CNTN6: variants seen among roughly 807,000 people sequenced by gnomAD.
CNTN6 encodes the protein contactin-6.
Under a neutral mutation model 122.8 loss-of-function variants are expected in CNTN6, and 137 were observed. That is an observed-to-expected ratio of 1.12 (90% confidence interval 0.97 to 1.29). CNTN6 has a LOEUF of 1.29. Among genes scored for constraint, CNTN6 ranks in the 50% most tolerant of loss-of-function variants. The pLI, the probability that CNTN6 is intolerant of heterozygous loss-of-function variation, is 0.00. For missense variants in CNTN6, 1,634 were observed against 1,223.4 expected, an observed-to-expected ratio of 1.34 and a Z score of -5.01; for synonymous variants, 570 against 426.0, an observed-to-expected ratio of 1.34 and a Z score of -4.16.
intron 7 of CNTN6, among the ~76,000 whole-genome samples, chr3:1,310,102 A>ATT (rs397977865): frequency 0.011 from 1,690 of 151,214 alleles, 31 homozygotes; most frequent in African/African-American, 0.039. Flanking sequence ...ATCTATATAC[A>ATT]TTTTTTTTGC....
At chr3:1,142,964 GTGTGTA>G (rs1225118461) in intron 1 of CNTN6, among the ~76,000 whole-genome samples, 4 of 97,188 alleles carry the variant, frequency 4.1e-5, no homozygotes, top group East Asian at 2.5e-4. Context: ...TTGTGTGTGT[GTGTGTA>G]TATATATATA....
intron 5 of CNTN6, among the ~76,000 whole-genome samples, chr3:1,281,243 C>G (rs1022391685): frequency 3.3e-5 from 5 of 152,120 alleles, no homozygotes; most frequent in Admixed American, 3.3e-4. Context: ...TCTTCTATTT[C>G]CAATCTCCCT....
chr3:1,306,178 T>C (rs1698323496), intron 7 of CNTN6, among the ~76,000 whole-genome samples: 1 of 152,206 alleles, frequency 6.6e-6, no homozygotes, highest in African/African-American at 2.4e-5. Context: ...GTTGAGCAGA[T>C]AGAGAACAGA....
chr3:1,265,925 A>G (rs556635100), intron 4 of CNTN6, among the ~76,000 whole-genome samples: 1 of 152,160 alleles, frequency 6.6e-6, no homozygotes, highest in Admixed American at 6.5e-5. Flanking sequence ...TTGAAAAAAC[A>G]TATTTATTAC....
At chr3:1,242,934 A>G (rs546640582) in intron 4 of CNTN6, among the ~76,000 whole-genome samples, 1 of 152,252 alleles carries the variant, frequency 6.6e-6, no homozygotes, top group African/African-American at 2.4e-5. Context: ...GGCCCTTGAA[A>G]AGAAGGTAAT....
chr3:1,171,687 G>C (rs566434030), intron 2 of CNTN6, among the ~76,000 whole-genome samples: 12 of 152,196 alleles, frequency 7.9e-5, no homozygotes, highest in African/African-American at 2.4e-4. Context: ...ATTCATTGCA[G>C]CCTCGACCTC....
chr3:1,245,812 T>C (rs1301673195), intron 4 of CNTN6, among the ~76,000 whole-genome samples: 1 of 152,074 alleles, frequency 6.6e-6, no homozygotes, highest in African/African-American at 2.4e-5. Context: ...GTTAATTATG[T>C]TTTAAAGCAG....
chr3:1,151,301 G>C (rs2092837413), intron 2 of CNTN6, among the ~76,000 whole-genome samples: 1 of 152,064 alleles, frequency 6.6e-6, no homozygotes, highest in African/African-American at 2.4e-5. Flanking sequence ...AGTTAATGTT[G>C]TTTGTTCTAT....
chr3:1,359,430 G>A (rs988358343), intron 12 of CNTN6, among the ~76,000 whole-genome samples: 3 of 152,098 alleles, frequency 2.0e-5, no homozygotes, highest in Admixed American at 6.6e-5. Context: ...CTCTAGACTG[G>A]TTTTTCACTT....
At chr3:1,366,981 C>T (rs1002319637) in intron 12 of CNTN6, among the ~76,000 whole-genome samples, 1 of 152,142 alleles carries the variant, frequency 6.6e-6, no homozygotes, top group African/African-American at 2.4e-5. Flanking sequence ...CTGCTTCATA[C>T]TTCCAAAGTT....
chr3:1,400,752 G>A (rs1357993984), intron 20 of CNTN6, among the ~76,000 whole-genome samples: 1 of 152,094 alleles, frequency 6.6e-6, no homozygotes, highest in East Asian at 1.9e-4. Flanking sequence ...AGTTTCAGGT[G>A]TGGTGAACAG....
rs1284370775 is a variant in CNTN6 at position 1,322,467 on chromosome 3, C to T, written c.946+633C>T. Among the ~76,000 whole-genome samples the T allele has an allele frequency of 2.0e-5, 3 of 151,798 alleles. No homozygotes were observed. In the East Asian group the frequency reaches 5.8e-4, roughly 30 times the overall value. On this transcript the variant is annotated intron_variant, in intron 8 of 22. Coordinates refer to ENST00000446702, the MANE Select transcript of CNTN6 (RefSeq NM_001289080.2). ...ACATTAAGTAAACAATACAATATAT[C>T]TCAGAATTTGCAAAATGCTGTATAC...
intron 2 of CNTN6, among the ~76,000 whole-genome samples, chr3:1,208,227 A>G (rs141992139): frequency 3.7e-4 from 56 of 152,208 alleles, no homozygotes; most frequent in African/African-American, 1.3e-3. Context: ...TTACAGGTCA[A>G]ATTCAAACCT....
At chr3:1,194,277 A>C (rs2093744323) in intron 2 of CNTN6, among the ~76,000 whole-genome samples, 2 of 152,148 alleles carry the variant, frequency 1.3e-5, no homozygotes, top group South Asian at 4.1e-4. Context: ...GGGAGACAAC[A>C]GGATATCTCT....
chr3:1,243,814 G>C (rs1156799256), intron 4 of CNTN6, among the ~76,000 whole-genome samples: 10 of 152,130 alleles, frequency 6.6e-5, no homozygotes, highest in Admixed American at 6.5e-4. Flanking sequence ...GGACTTAGCT[G>C]GGTCTGGCAA....
intron 19 of CNTN6, 96 bp downstream of exon 19, chr3:1,383,504 C>G: frequency 1.1e-6 from 1 of 903,156 alleles, no homozygotes; most frequent in East Asian, 2.4e-5. Flanking sequence ...CTGTTGTTAG[C>G]ATATGATAAT....
intron 2 of CNTN6, among the ~76,000 whole-genome samples, chr3:1,218,651 C>A (rs770616086): frequency 1.4e-4 from 21 of 152,182 alleles, no homozygotes; most frequent in Non-Finnish European, 2.9e-4. Flanking sequence ...CCAGGGTTCT[C>A]ACAGCCTAAA....
At chr3:1,132,844 T>C (rs1168061735) in intron 1 of CNTN6, among the ~76,000 whole-genome samples, 1 of 152,102 alleles carries the variant, frequency 6.6e-6, no homozygotes, top group African/African-American at 2.4e-5. Flanking sequence ...TCATTCCCTT[T>C]ATTTAAAAAA....
At position 1,218,780 on chromosome 3, in the gene CNTN6, CA is replaced by C. The variant is rs559172335; in HGVS notation, c.56-1898del. On this transcript the variant is annotated intron_variant, in intron 2 of 22. Transcript: ENST00000446702. ...TGAGAGGCTCTGGGCAAGAGCACCT[CA>C]AAAAAAAATGAGTACGGTGAGCATC... Among the ~76,000 whole-genome samples the C allele has an allele frequency of 7.3e-3, 1,096 of 150,278 alleles. 20 individuals carry two copies. The highest frequency in any genetic ancestry group is 0.038 in the Admixed American group (582 of 15,136).
Sources: allele counts gnomAD v4.1 joint callset (sites outside exome capture counted in the v4.1 genomes callset), GRCh38; gene constraint gnomAD v4.1.1; transcripts MANE v1.5; gene names NCBI Gene and HGNC (gene_info 2026-07-23, HGNC 2026-07-21).